Variants in ABCC9 observed in about 807,000 individuals in gnomAD.
ABCC9 encodes ATP-binding cassette sub-family C member 9.
Under a neutral mutation model 188.3 loss-of-function variants are expected in ABCC9, and 95 were observed. That is an observed-to-expected ratio of 0.50 (90% confidence interval 0.43 to 0.60). The LOEUF (loss-of-function observed/expected upper bound fraction) is 0.60. Among genes scored for constraint, ABCC9 ranks in the 20% least tolerant of loss-of-function variants. The pLI is 0.00. For synonymous variants in ABCC9, 659 were observed against 652.7 expected, an observed-to-expected ratio of 1.01 and a Z score of -0.15; for missense variants, 1,102 against 1,876.3, an observed-to-expected ratio of 0.59 and a Z score of 7.62.
At chr12:21,924,186 A>G (rs1330541932) in intron 5 of ABCC9, 1 of 205,644 alleles carries the variant, frequency 4.9e-6, no homozygotes, top group African/African-American at 2.3e-5. Flanking sequence ...TTAGCAAATT[A>G]AGATCGCTGT....
intron 31 of ABCC9, chr12:21,828,696 G>T: frequency 4.4e-6 from 2 of 455,978 alleles, no homozygotes; most frequent in South Asian, 2.1e-5. Flanking sequence ...ACAAATATTT[G>T]CCATTCCATT....
At chr12:21,931,253 C>CT (rs1949273744) in intron 4 of ABCC9, among the ~76,000 whole-genome samples, 1 of 151,946 alleles carries the variant, frequency 6.6e-6, no homozygotes, top group South Asian at 2.1e-4. Context: ...TTTTAAGGGT[C>CT]TTTTTCCCCT....
chr12:21,807,572 C>T (rs1941945014), intron 37 of ABCC9, 93 bp from the exon 38 acceptor site: 3 of 1,540,840 alleles, frequency 1.9e-6, no homozygotes, highest in Non-Finnish European at 8.9e-7. Context: ...TGTTGTATGA[C>T]AGCATGATGG....
At position 21,799,259 on chromosome 12, in the gene ABCC9, T is replaced by TAAAAAAAAAAAAAAAAAAAATA. The variant is rs536748638; in HGVS notation, c.*1784_*1785insTATTTTTTTTTTTTTTTTTTTT. ...ACTTAAAGTATATTAAAAAAAAAAT[T>TAAAAAAAAAAAAAAAAAAAATA]AAAAAAAAAAAAGAAAAAAAAAAGA... On this transcript the variant is annotated 3_prime_UTR_variant, in exon 40 of 40. Coordinates refer to ENST00000261200, the MANE Select transcript of ABCC9 (RefSeq NM_020297.4). 1 of 118,440 alleles carries TAAAAAAAAAAAAAAAAAAAATA rather than the reference T, an allele frequency of 8.4e-6. No homozygotes were observed. The allele number at this position is 118,440 out of a possible 1,614,324, so 7.3% of individuals were successfully genotyped here.
Position 21,915,514 on chromosome 12 carries a change from A to ATATATATATATTTTTTTTTTT in ABCC9, c.816+153_816+154insAAAAAAAAAAATATATATATA. On this transcript the variant is annotated intron_variant, in intron 7 of 39. Coordinates refer to ENST00000261200, the MANE Select transcript of ABCC9 (RefSeq NM_020297.4). ...TGTGTGTGTGTGTATATATATATAT[A>ATATATATATATTTTTTTTTTT]TTTTTTTTTTTTTTTTGAGACAGAG... is the stretch of plus-strand genomic sequence containing the variant. Among the ~76,000 whole-genome samples, 34 of 3,522 alleles carry ATATATATATATTTTTTTTTTT rather than the reference A, an allele frequency of 9.7e-3. 4 individuals are homozygous for ATATATATATATTTTTTTTTTT. Among genetic ancestry groups the ATATATATATATTTTTTTTTTT allele is most frequent in the South Asian group, 0.068 (3 of 44 alleles). The allele number at this position is 3,522 out of a possible 152,430, so 2.3% of individuals were successfully genotyped here.
chr12:21,932,513 T>C (rs1460240546), intron 4 of ABCC9, among the ~76,000 whole-genome samples: 1 of 151,950 alleles, frequency 6.6e-6, no homozygotes, highest in East Asian at 1.9e-4. Flanking sequence ...TTTTGCAAAC[T>C]ATGCATCCAA....
At chr12:21,939,149 A>G (rs1219533511) in intron 2 of ABCC9, among the ~76,000 whole-genome samples, 1 of 152,210 alleles carries the variant, frequency 6.6e-6, no homozygotes, top group Non-Finnish European at 1.5e-5. Context: ...GTAAACTTCA[A>G]GTTGGTACAG....
chr12:21,913,044 T>C lies in ABCC9; in HGVS notation c.839A>G (p.Asn280Ser), dbSNP rs1948393262. The C allele has an allele frequency of 6.2e-7, 1 of 1,601,090 alleles. No individual in the cohort carries two copies. Among genetic ancestry groups the C allele is most frequent in the Non-Finnish European group, 8.5e-7 (1 of 1,176,478 alleles). ...EQKKKVADHP[N>S]RTPSIWLAMY... ...TGCAAGCCATATAGATGGAGTCCGA[T>C]TTGGATGATCTGCAACTTTTTTCTG... is the stretch of plus-strand genomic sequence containing the variant. Residue 280 changes from asparagine (N) to serine (S), a missense_variant, in exon 8 of 40, where the codon AAT (asparagine) becomes AGT (serine). Physicochemically the swap from Asn to Ser is conservative, Grantham distance 46. Around this residue, in one of 12 missense-constraint regions of ABCC9, gnomAD observed 305 missense variants for 573.0 expected, o/e 0.53. Transcript: ENST00000261200.
At chr12:21,852,004 A>C in intron 24 of ABCC9, 93 bp downstream of exon 24, 2 of 1,434,520 alleles carry the variant, frequency 1.4e-6, no homozygotes, top group South Asian at 1.2e-5. Context: ...CAAAGTATTA[A>C]ATGGTAATTT....
chr12:21,821,102 A>T (rs1484664176), intron 31 of ABCC9, among the ~76,000 whole-genome samples: 1 of 152,184 alleles, frequency 6.6e-6, no homozygotes, highest in Non-Finnish European at 1.5e-5. Context: ...CTATGAGCTG[A>T]CTATTTTCCA....
intron 2 of ABCC9, among the ~76,000 whole-genome samples, chr12:21,939,882 G>A (rs566303400): frequency 9.2e-5 from 14 of 152,216 alleles, no homozygotes; most frequent in South Asian, 4.1e-4. Context: ...GGCAAGAATC[G>A]CACCCTCAGT....
intron 35 of ABCC9, among the ~76,000 whole-genome samples, chr12:21,814,413 G>A (rs1171612122): frequency 1.3e-5 from 2 of 152,122 alleles, no homozygotes. Flanking sequence ...TTATTAAAAT[G>A]CTTTAGCAAT....
chr12:21,929,589 T>C (rs1949192405), intron 4 of ABCC9, among the ~76,000 whole-genome samples: 1 of 152,024 alleles, frequency 6.6e-6, no homozygotes, highest in Non-Finnish European at 1.5e-5. Context: ...AAAAGAAAGA[T>C]GGAGTGATCA....
intron 16 of ABCC9, among the ~76,000 whole-genome samples, chr12:21,875,945 G>A (rs1400023500): frequency 1.3e-5 from 2 of 152,018 alleles, no homozygotes; most frequent in African/African-American, 2.4e-5. Context: ...TTAGCCGGGC[G>A]TGGTGGCAGG....
chr12:21,924,612 G>A (rs189193408), intron 5 of ABCC9: 1 of 151,652 alleles, frequency 6.6e-6, no homozygotes, highest in African/African-American at 2.4e-5. Flanking sequence ...AACAATAATA[G>A]GCCTCTTCTG....
intron 12 of ABCC9, among the ~76,000 whole-genome samples, chr12:21,905,549 C>G (rs145722177): frequency 1.3e-5 from 2 of 151,818 alleles, no homozygotes; most frequent in African/African-American, 4.8e-5. Context: ...TTTCCAAAGT[C>G]GATATCCTAG....
At chr12:21,906,438 T>C in intron 11 of ABCC9, 150 bp from the exon 12 acceptor site, 1 of 704,892 alleles carries the variant, frequency 1.4e-6, no homozygotes, top group Non-Finnish European at 2.3e-6. Flanking sequence ...GGAGAAGCAA[T>C]TAAACCCTTT....
At chr12:21,932,924 C>A (rs1021701511) in intron 4 of ABCC9, among the ~76,000 whole-genome samples, 2 of 151,492 alleles carry the variant, frequency 1.3e-5, no homozygotes, top group African/African-American at 2.4e-5. Context: ...AAGACACAAG[C>A]ATGCATGCAT....
intron 30 of ABCC9, among the ~76,000 whole-genome samples, chr12:21,835,883 A>T (rs1265348746): frequency 2.6e-5 from 4 of 152,290 alleles, no homozygotes; most frequent in African/African-American, 9.6e-5. Flanking sequence ...CTACCTGTAC[A>T]TGTTCATAAC....
Sources: allele counts gnomAD v4.1 joint callset (sites outside exome capture counted in the v4.1 genomes callset), GRCh38; gene constraint gnomAD v4.1.1; regional missense constraint gnomAD v4.1.1; transcripts MANE v1.5; gene names NCBI Gene and HGNC (gene_info 2026-07-23, HGNC 2026-07-21).